ATF2: variants seen among roughly 807,000 people sequenced by gnomAD.
ATF2 encodes activating transcription factor 2.
Under a neutral mutation model 60.6 loss-of-function variants are expected in ATF2, and 24 were observed. That is an observed-to-expected ratio of 0.40 (90% CI 0.29 to 0.56). The LOEUF is 0.56. Among genes scored for constraint, ATF2 ranks in the 20% least tolerant of loss-of-function variants. The pLI, the probability that ATF2 is intolerant of heterozygous loss-of-function variation, is 0.54. For missense variants in ATF2, 433 were observed against 607.7 expected (o/e 0.71, Z 3.02); for synonymous variants, 206 against 215.4 (o/e 0.96, Z 0.38).
chr2:175,167,961 T>C, intron 1 of ATF2, 89 bp downstream of exon 1: 1 of 337,946 alleles, frequency 3.0e-6, no homozygotes, highest in East Asian at 7.7e-5. Context: ...GGGTGGGGAC[T>C]GTGCTGAGCG....
chr2:175,153,150 T>G (rs866752763), intron 1 of ATF2, among the ~76,000 whole-genome samples: 1 of 152,212 alleles, frequency 6.6e-6, no homozygotes, highest in Admixed American at 6.5e-5. Flanking sequence ...GTATAGCTTA[T>G]GTCTTAACAC....
At chr2:175,119,778 G>A (rs1250679295) in intron 5 of ATF2, among the ~76,000 whole-genome samples, 2 of 151,490 alleles carry the variant, frequency 1.3e-5, no homozygotes, top group Non-Finnish European at 3.0e-5. Context: ...ACACCCAAAG[G>A]GTTTGTCTAT....
At chr2:175,107,773 T>C (rs1314515360) in intron 10 of ATF2, among the ~76,000 whole-genome samples, 1 of 152,236 alleles carries the variant, frequency 6.6e-6, no homozygotes, top group Non-Finnish European at 1.5e-5. Context: ...TTCGCTGTGT[T>C]GGCCGGGCTG....
At chr2:175,126,969 T>G (rs1487395572) in intron 4 of ATF2, 1 of 152,284 alleles carries the variant, frequency 6.6e-6, no homozygotes, top group African/African-American at 2.4e-5. Flanking sequence ...AAGTGGCTCA[T>G]GTCTACAATC....
At chr2:175,124,715 T>C (rs1174751180) in intron 4 of ATF2, among the ~76,000 whole-genome samples, 3 of 151,996 alleles carry the variant, frequency 2.0e-5, no homozygotes, top group East Asian at 3.9e-4. Context: ...ATTGTCACTT[T>C]AGACTAAATA....
chr2:175,154,482 T>C, intron 1 of ATF2, among the ~76,000 whole-genome samples: 1 of 151,482 alleles, frequency 6.6e-6, no homozygotes, highest in African/African-American at 2.4e-5. Flanking sequence ...AACTTTTTTT[T>C]AAAAAAAAGT....
chr2:175,162,423 G>A (rs268157), intron 1 of ATF2, among the ~76,000 whole-genome samples: 113,337 of 152,180 alleles, frequency 0.74, 43,023 homozygotes, highest in East Asian at 0.87. Flanking sequence ...GTGTAAACTC[G>A]CTCAAGTCTT....
intron 1 of ATF2, among the ~76,000 whole-genome samples, chr2:175,154,581 G>A (rs893181541): frequency 8.6e-5 from 13 of 151,986 alleles, no homozygotes; most frequent in Admixed American, 7.2e-4. Flanking sequence ...CATACTGTAC[G>A]TAATTGTGCT....
At chr2:175,121,314 G>A (rs1220428211) in intron 5 of ATF2, 130 bp downstream of exon 5, 2 of 477,754 alleles carry the variant, frequency 4.2e-6, no homozygotes, top group Non-Finnish European at 7.0e-6. Context: ...TAAAATACAT[G>A]TTGCCAACAT....
At chr2:175,106,001 A>G (rs748171474) in intron 10 of ATF2, among the ~76,000 whole-genome samples, 24 of 152,192 alleles carry the variant, frequency 1.6e-4, no homozygotes, top group Non-Finnish European at 2.2e-4. Context: ...TTAAATGTCT[A>G]TATTAGAAAA....
At chr2:175,116,057 G>A (rs1696540687) in intron 7 of ATF2, among the ~76,000 whole-genome samples, 1 of 152,094 alleles carries the variant, frequency 6.6e-6, no homozygotes, top group Admixed American at 6.5e-5. Flanking sequence ...GGATAGATGC[G>A]TAGACAGGCC....
rs1435780004 is a variant in ATF2, at chr2:175,156,010, C to T, written c.-142-4852G>A. ...ATGGCCTTCCAAAGATGTCCATACC[C>T]TAATCCCTGGAACCTGTTAATAGGT... On this transcript the variant is annotated intron_variant, in intron 1 of 13. Transcript: ENST00000264110. 2.0e-5 allele frequency among the ~76,000 whole-genome samples: 3 copies of T among 152,070 alleles called. No individual in the cohort carries two copies. In the South Asian group the frequency reaches 6.2e-4, roughly 32 times the overall value.
intron 3 of ATF2, among the ~76,000 whole-genome samples, chr2:175,132,205 T>G (rs1697783565): frequency 6.6e-6 from 1 of 152,240 alleles, no homozygotes. Flanking sequence ...TCTCACATTA[T>G]GAGAATTCCT....
At chr2:175,150,203 A>G (rs1314734772) in intron 2 of ATF2, among the ~76,000 whole-genome samples, 9 of 152,180 alleles carry the variant, frequency 5.9e-5, no homozygotes. Context: ...GTATTGACAG[A>G]TTTAAATTAT....
intron 11 of ATF2, among the ~76,000 whole-genome samples, chr2:175,095,702 T>TA (rs1291227514): frequency 2.6e-5 from 4 of 152,172 alleles, no homozygotes; most frequent in Non-Finnish European, 5.9e-5. Flanking sequence ...AACAAACAGA[T>TA]AAAGTCCTAC....
intron 10 of ATF2, among the ~76,000 whole-genome samples, chr2:175,098,622 T>C (rs1388684075): frequency 2.0e-5 from 3 of 152,190 alleles, no homozygotes; most frequent in African/African-American, 7.2e-5. Context: ...TAGAAATACA[T>C]AACTGTCTGG....
chr2:175,092,226 T>C (rs1368499945), intron 12 of ATF2, among the ~76,000 whole-genome samples: 1 of 152,210 alleles, frequency 6.6e-6, no homozygotes, highest in Non-Finnish European at 1.5e-5. Flanking sequence ...AGCAGGTCTC[T>C]TACCATCAAT....
chr2:175,163,918 CA>C (rs1176905315), intron 1 of ATF2, among the ~76,000 whole-genome samples: 2,252 of 30,346 alleles, frequency 0.074, 242 homozygotes, highest in Admixed American at 0.12. Context: ...AACTCCGTCT[CA>C]AAAAAAAAAA....
chr2:175,155,392 C>T (rs1307193012), intron 1 of ATF2, among the ~76,000 whole-genome samples: 2 of 152,208 alleles, frequency 1.3e-5, no homozygotes, highest in Admixed American at 1.3e-4. Flanking sequence ...CCCTGTCTTA[C>T]AAATATTTCT....
Sources: gnomAD v4.1 joint callset for allele counts (sites outside exome capture counted in the v4.1 genomes callset) on GRCh38, gnomAD v4.1.1 for gene constraint, MANE v1.5 for transcripts, NCBI Gene and HGNC (gene_info 2026-07-23, HGNC 2026-07-21) for gene names.